COL4A2: variants seen among roughly 807,000 people sequenced by gnomAD.
COL4A2 encodes collagen alpha-2(IV) chain.
COL4A2 carries 99 observed loss-of-function variants against 200.2 expected under a neutral mutation model. The observed-to-expected ratio is 0.49, with a 90% CI of 0.42 to 0.58. The LOEUF is 0.58. Among genes scored for constraint, COL4A2 ranks in the 20% least tolerant of loss-of-function variants. The pLI is 0.00. For missense variants in COL4A2, 1,950 were observed against 2,314.1 expected (o/e 0.84, Z 3.23); for synonymous variants, 897 against 900.6 (o/e 1.00, Z 0.07).
chr13:110,345,774 T>A (rs993882312), intron 3 of COL4A2, among the ~76,000 whole-genome samples: 8 of 152,300 alleles, frequency 5.3e-5, no homozygotes, highest in African/African-American at 1.9e-4. Flanking sequence ...ATTGGTCCAC[T>A]GACACACCCC....
chr13:110,350,738 G>T (rs976239266), intron 3 of COL4A2, among the ~76,000 whole-genome samples: 1 of 152,174 alleles, frequency 6.6e-6, no homozygotes, highest in African/African-American at 2.4e-5. Flanking sequence ...TAGAAAGCAG[G>T]TTCTGCTCCA....
chr13:110,357,244 G>T lies in COL4A2; in HGVS notation c.100-228G>T, dbSNP rs145815378. 6.6e-4 allele frequency among the ~76,000 whole-genome samples: 101 copies of T among 152,152 alleles called. 2 individuals carry two copies. The East Asian group carries it at 0.017, about 26-fold the overall frequency. ...GATGTCGATGGTGGGGGATTTCAGG[G>T]GTGGGAGAGACAGGGGTATATTGGA... On this transcript the variant is annotated intron_variant, in intron 3 of 47. Transcript: ENST00000360467.
intron 3 of COL4A2, among the ~76,000 whole-genome samples, chr13:110,319,649 T>G (rs954148579): frequency 6.6e-6 from 1 of 152,198 alleles, no homozygotes; most frequent in African/African-American, 2.4e-5. Context: ...GCTGGAAATT[T>G]CAGGGAAGAA....
rs117188196 is a variant in COL4A2, at chr13:110,446,114, C to T, written c.1011+232C>T. Among the ~76,000 whole-genome samples the T allele has an allele frequency of 7.4e-4, 113 of 152,310 alleles. 1 individual carries two copies. The East Asian group carries it at 0.021, about 28-fold the overall frequency. ...TGCCACTCAGGGCCACGTAGGGGTG[C>T]GCTCAGGCACAGAGGAAGCCAGCAG... On this transcript the variant is annotated intron_variant, in intron 17 of 47. Coordinates refer to ENST00000360467, the MANE Select transcript of COL4A2 (RefSeq NM_001846.4).
At chr13:110,441,855 T>G (rs1270765341) in intron 16 of COL4A2, among the ~76,000 whole-genome samples, 3 of 150,058 alleles carry the variant, frequency 2.0e-5, no homozygotes, top group Admixed American at 6.6e-5. Flanking sequence ...CCAAGGTGAG[T>G]GGATCATAGA....
intron 4 of COL4A2, among the ~76,000 whole-genome samples, chr13:110,381,525 G>T (rs1315852004): frequency 1.3e-5 from 2 of 152,220 alleles, no homozygotes; most frequent in Non-Finnish European, 2.9e-5. Flanking sequence ...TTTCTGCCAG[G>T]TGGGTCCTTA....
At chr13:110,338,646 C>T (rs1295781909) in intron 3 of COL4A2, among the ~76,000 whole-genome samples, 1 of 152,186 alleles carries the variant, frequency 6.6e-6, no homozygotes, top group Admixed American at 6.5e-5. Flanking sequence ...TGCAAGGCAG[C>T]CAAGGCAATC....
At chr13:110,384,214 T>C (rs1878597627) in intron 4 of COL4A2, among the ~76,000 whole-genome samples, 1 of 152,170 alleles carries the variant, frequency 6.6e-6, no homozygotes, top group South Asian at 2.1e-4. Flanking sequence ...TAGGTCGTAA[T>C]CATACATCAA....
chr13:110,309,756 G>A (rs1042980639), intron 3 of COL4A2, among the ~76,000 whole-genome samples: 2 of 143,540 alleles, frequency 1.4e-5, no homozygotes, highest in African/African-American at 5.0e-5. Flanking sequence ...GGGAGGCCGC[G>A]GCCTGTGGAT....
At chr13:110,408,829 A>ATG (rs1879691131) in intron 4 of COL4A2, among the ~76,000 whole-genome samples, 3 of 118,924 alleles carry the variant, frequency 2.5e-5, no homozygotes, top group Admixed American at 1.9e-4. Flanking sequence ...ACACATGCAC[A>ATG]CACACATACA....
intron 4 of COL4A2, among the ~76,000 whole-genome samples, chr13:110,413,858 A>T (rs1041933000): frequency 2.0e-5 from 3 of 152,098 alleles, no homozygotes; most frequent in Non-Finnish European, 4.4e-5. Flanking sequence ...GGGCTTGGGG[A>T]ACGGTATTGC....
intron 11 of COL4A2, among the ~76,000 whole-genome samples, 183 bp from the exon 12 acceptor site, chr13:110,434,218 G>A (rs1374236413): frequency 2.0e-5 from 3 of 152,154 alleles, no homozygotes; most frequent in Non-Finnish European, 4.4e-5. Flanking sequence ...TGAGGCCTTG[G>A]TCAACTGACA....
chr13:110,342,545 G>A (rs571850984), intron 3 of COL4A2, among the ~76,000 whole-genome samples: 2 of 152,122 alleles, frequency 1.3e-5, no homozygotes, highest in African/African-American at 2.4e-5. Flanking sequence ...ACTTCCTGCC[G>A]GGAGCCGGGC....
rs369814664 is a variant in COL4A2, at chr13:110,482,519, A to T, written c.2762A>T (p.Asp921Val). ...GMPGTPGLKGDRGSPGMDGFQ... is the reference protein window; with the variant it reads ...GMPGTPGLKGVRGSPGMDGFQ... ...ACTTTTCTCTTTTCCTCTGAAGGAG[A>T]TAGAGGCTCACCTGGGATGGATGGT... The change falls in exon 32 of 48, where the codon GAT (aspartate) becomes GTT (valine). Residue 921 changes from aspartate (D) to valine (V), a missense_variant. Physicochemically the swap from Asp to Val is radical, Grantham distance 152. Coordinates refer to ENST00000360467, the MANE Select transcript of COL4A2 (RefSeq NM_001846.4). 100 of 1,613,982 alleles carry T rather than the reference A, an allele frequency of 6.2e-5. No individual in the cohort carries two copies. The African/African-American group carries it at 1.3e-3, about 21-fold the overall frequency.
intron 11 of COL4A2, among the ~76,000 whole-genome samples, chr13:110,432,795 G>A (rs1444520120): frequency 2.0e-5 from 3 of 152,210 alleles, no homozygotes; most frequent in South Asian, 4.1e-4. Flanking sequence ...TCTAATGTCA[G>A]CCTCTAGGGA....
At chr13:110,342,337 C>G (rs1009412945) in intron 3 of COL4A2, among the ~76,000 whole-genome samples, 1 of 152,142 alleles carries the variant, frequency 6.6e-6, no homozygotes. Context: ...ATAGAGTCAG[C>G]ATTATATGCA....
intron 3 of COL4A2, among the ~76,000 whole-genome samples, chr13:110,315,346 T>C (rs1885103504): frequency 6.6e-6 from 1 of 152,234 alleles, no homozygotes; most frequent in South Asian, 2.1e-4. Context: ...TGTAGCTCTA[T>C]AGACTTGAAA....
rs79896813 is a variant in COL4A2, at chr13:110,439,744, A to G, written c.913-45A>G. 2,676 of 1,613,350 alleles carry G rather than the reference A, an allele frequency of 1.7e-3. 24 individuals carry two copies. The African/African-American group carries it at 0.023, about 14-fold the overall frequency. On this transcript the variant is annotated intron_variant, in intron 15 of 47. Coordinates refer to ENST00000360467, the MANE Select transcript of COL4A2 (RefSeq NM_001846.4). ...GTAGTCAAGCCCTCTGGAAATGTCTACTGCATATTCTGAGCTGTTTGCTTC... is the reference window on the plus strand; with the variant it reads ...GTAGTCAAGCCCTCTGGAAATGTCTGCTGCATATTCTGAGCTGTTTGCTTC...
At chr13:110,503,327 A>G in intron 42 of COL4A2, 45 bp downstream of exon 42, 2 of 1,588,894 alleles carry the variant, frequency 1.3e-6, no homozygotes, top group Non-Finnish European at 1.7e-6. Flanking sequence ...GGCCACAGTG[A>G]GAGGAGCCCC....
Sources: allele counts gnomAD v4.1 joint callset (sites outside exome capture counted in the v4.1 genomes callset), GRCh38; gene constraint gnomAD v4.1.1; transcripts MANE v1.5; gene names NCBI Gene and HGNC (gene_info 2026-07-23, HGNC 2026-07-21).